The following CDIN1 variants were observed in gnomAD, a reference collection of about 807,000 sequenced individuals.
CDIN1 encodes CDAN1 interacting nuclease 1.
CDIN1 carries 33 observed loss-of-function variants against 45.3 expected under a neutral mutation model. That is an observed-to-expected ratio of 0.73 (90% CI 0.55 to 0.97). The LOEUF (loss-of-function observed/expected upper bound fraction) is 0.97. CDIN1 is among the 50% of genes least tolerant of loss of function. CDIN1 has a pLI of 0.00. For synonymous variants in CDIN1, 118 were observed against 124.4 expected (o/e 0.95, Z 0.34); for missense variants, 303 against 339.4 (o/e 0.89, Z 0.84).
intron 1 of CDIN1, among the ~76,000 whole-genome samples, chr15:36,620,551 T>C (rs2039136106): frequency 6.6e-6 from 1 of 152,104 alleles, no homozygotes; most frequent in Non-Finnish European, 1.5e-5. Context: ...ACCAACTACT[T>C]ACTGAATTAT....
At chr15:36,649,530 TATG>T (rs1329888137) in intron 3 of CDIN1, among the ~76,000 whole-genome samples, 3 of 152,170 alleles carry the variant, frequency 2.0e-5, no homozygotes, top group African/African-American at 7.2e-5. Context: ...AGGCCCATTT[TATG>T]ATGTTTTTTG....
intron 8 of CDIN1, among the ~76,000 whole-genome samples, chr15:36,701,226 G>T (rs988209986): frequency 6.6e-6 from 1 of 151,932 alleles, no homozygotes; most frequent in African/African-American, 2.4e-5. Flanking sequence ...CCTACTCCTA[G>T]GCTTAGCTGT....
intron 5 of CDIN1, among the ~76,000 whole-genome samples, chr15:36,663,464 T>G (rs889566154): frequency 6.6e-6 from 1 of 152,050 alleles, no homozygotes; most frequent in Non-Finnish European, 1.5e-5. Flanking sequence ...AGGGACCCAG[T>G]AGGAGGTAAT....
chr15:36,653,455 G>GT (rs1450618925), intron 3 of CDIN1, among the ~76,000 whole-genome samples: 4 of 39,510 alleles, frequency 1.0e-4, no homozygotes, highest in African/African-American at 4.5e-4. Context: ...TCAAATTTTT[G>GT]TAAAAAAAAA....
chr15:36,741,401 C>G (rs1342351893), intron 10 of CDIN1, among the ~76,000 whole-genome samples: 1 of 151,510 alleles, frequency 6.6e-6, no homozygotes, highest in Non-Finnish European at 1.5e-5. Flanking sequence ...CTTCAAAGAC[C>G]AGTTGACATC....
intron 5 of CDIN1, among the ~76,000 whole-genome samples, chr15:36,680,764 G>C (rs551707721): frequency 6.6e-6 from 1 of 152,156 alleles, no homozygotes. Context: ...TGGTGGATGT[G>C]GCCTTGGGTT....
intron 1 of CDIN1, chr15:36,641,226 A>T (rs1398984147): frequency 6.6e-6 from 1 of 152,178 alleles, no homozygotes; most frequent in Non-Finnish European, 1.5e-5. Context: ...TTGGAGATTT[A>T]AAAAAATAGA....
At chr15:36,747,910 C>T (rs558747312) in intron 10 of CDIN1, among the ~76,000 whole-genome samples, 1 of 152,112 alleles carries the variant, frequency 6.6e-6, no homozygotes, top group East Asian at 1.9e-4. Flanking sequence ...TGCTACATAA[C>T]ACTACACTGT....
intron 1 of CDIN1, among the ~76,000 whole-genome samples, chr15:36,607,225 T>A (rs2038419202): frequency 6.6e-6 from 1 of 152,162 alleles, no homozygotes; most frequent in African/African-American, 2.4e-5. Context: ...CTTATCAAAT[T>A]GTTGGATCAG....
intron 1 of CDIN1, chr15:36,626,626 C>T (rs2039439763): frequency 9.6e-6 from 3 of 311,154 alleles, no homozygotes; most frequent in Non-Finnish European, 1.9e-5. Context: ...CACTTAAATG[C>T]AGTTTCTTCT....
chr15:36,634,191 G>A (rs1301636799), intron 1 of CDIN1, among the ~76,000 whole-genome samples: 1 of 152,110 alleles, frequency 6.6e-6, no homozygotes, highest in Non-Finnish European at 1.5e-5. Context: ...AGCACTTTGG[G>A]AGGCTGAGGC....
chr15:36,687,209 A>G (rs2042091747), intron 5 of CDIN1, among the ~76,000 whole-genome samples: 1 of 152,142 alleles, frequency 6.6e-6, no homozygotes, highest in African/African-American at 2.4e-5. Context: ...ATAAGCCTGA[A>G]TGTATCAGTT....
chr15:36,711,584 T>A (rs1439074211), intron 10 of CDIN1, among the ~76,000 whole-genome samples: 1 of 152,218 alleles, frequency 6.6e-6, no homozygotes, highest in Non-Finnish European at 1.5e-5. Flanking sequence ...CTTTGTTGCA[T>A]TCTACTTTTA....
chr15:36,725,043 A>T (rs929196468), intron 10 of CDIN1, among the ~76,000 whole-genome samples: 2 of 152,236 alleles, frequency 1.3e-5, no homozygotes, highest in East Asian at 3.9e-4. Context: ...CAGCCCAAAC[A>T]TAAAGAACTG....
In CDIN1 at chr15:36,596,246, C is replaced by T. The variant is rs1160750966; in HGVS notation, c.101+16285C>T. Among the ~76,000 whole-genome samples, 3 of 151,250 alleles carry T rather than the reference C, an allele frequency of 2.0e-5. No individual in the cohort carries two copies. The East Asian group carries it at 5.8e-4, about 29-fold the overall frequency. ...TTTTTAGCCCCTAATTCCCTTTTCT[C>T]ACAAGCCCTCTCCCTAGGAGGATTC... is the stretch of plus-strand genomic sequence containing the variant. On this transcript the variant is annotated intron_variant, in intron 1 of 10. Transcript: ENST00000566621.
rs901975438 is a variant in CDIN1, at chr15:36,585,951, C to T, written c.101+5990C>T. ...ACTGTGACTCACAAAACAGGCTCTA[C>T]CTGACCAAACTACAATTACTGACTA... is the stretch of plus-strand genomic sequence containing the variant. On this transcript the variant is annotated intron_variant, in intron 1 of 10. Transcript: ENST00000566621. 2.0e-5 allele frequency among the ~76,000 whole-genome samples: 3 copies of T among 152,222 alleles called. No individual in the cohort carries two copies. The East Asian group carries it at 5.8e-4, about 29-fold the overall frequency.
chr15:36,579,884 C>A lies in CDIN1; in HGVS notation c.24C>A (p.Tyr8Ter). 1 of 1,613,920 alleles carries A rather than the reference C, an allele frequency of 6.2e-7. No individual in the cohort carries two copies. The highest frequency in any genetic ancestry group is 8.5e-7 in the Non-Finnish European group (1 of 1,179,866). The change falls in exon 1 of 11, where the codon TAC becomes TAA. Residue 8 changes from tyrosine (Y) to a stop codon, truncating the protein, a stop_gained. Coordinates refer to ENST00000566621, the MANE Select transcript of CDIN1 (RefSeq NM_001321759.2). LOFTEE classifies it high-confidence loss of function. ...ACATGATACTGACCAAAGCTCAGTA[C>A]GACGAGATAGCCCAGTGCCTAGTGT... MILTKAQ[Y>*]DEIAQCLVSV...
chr15:36,734,095 G>A (rs985986953), intron 10 of CDIN1, among the ~76,000 whole-genome samples: 1 of 152,030 alleles, frequency 6.6e-6, no homozygotes, highest in Non-Finnish European at 1.5e-5. Flanking sequence ...ATTTAAGAGT[G>A]AGAATTATAA....
intron 10 of CDIN1, among the ~76,000 whole-genome samples, chr15:36,789,268 C>T (rs1448683676): frequency 6.6e-6 from 1 of 152,150 alleles, no homozygotes; most frequent in East Asian, 1.9e-4. Flanking sequence ...CTGACATCCG[C>T]CACTCACACA....
Sources: allele counts gnomAD v4.1 joint callset (sites outside exome capture counted in the v4.1 genomes callset), GRCh38; gene constraint gnomAD v4.1.1; transcripts MANE v1.5; gene names NCBI Gene and HGNC (gene_info 2026-07-23, HGNC 2026-07-21).